Variants in LDB2 observed in about 807,000 individuals in gnomAD.
LDB2 encodes LIM domain binding 2, also known as LIM domain-binding protein 2.
LDB2 carries 12 observed loss-of-function variants against 44.3 expected under a neutral mutation model. That is an observed-to-expected ratio of 0.27 (90% confidence interval 0.17 to 0.44). LDB2 has a LOEUF of 0.44. LDB2 is among the 20% of genes least tolerant of loss of function. LDB2 has a pLI of 1.00. For synonymous variants in LDB2, 164 were observed against 174.8 expected, an observed-to-expected ratio of 0.94 and a Z score of 0.49; for missense variants, 344 against 473.5, an observed-to-expected ratio of 0.73 and a Z score of 2.54.
intron 5 of LDB2, among the ~76,000 whole-genome samples, chr4:16,536,090 C>A (rs1035928438): frequency 1.3e-5 from 2 of 152,182 alleles, no homozygotes; most frequent in African/African-American, 4.8e-5. Context: ...AGGCCACAAA[C>A]GGTAAGGGGA....
chr4:16,535,420 A>G (rs1012732771), intron 5 of LDB2, among the ~76,000 whole-genome samples: 4 of 152,144 alleles, frequency 2.6e-5, no homozygotes, highest in Non-Finnish European at 5.9e-5. Context: ...ATAGTCATTC[A>G]TTTATTCATC....
At chr4:16,660,831 T>C (rs1741371549) in intron 2 of LDB2, among the ~76,000 whole-genome samples, 5 of 152,270 alleles carry the variant, frequency 3.3e-5, no homozygotes, top group South Asian at 4.1e-4. Flanking sequence ...GTACATATAT[T>C]GGTCAGTGTT....
At chr4:16,787,178 A>C (rs1774622748) in intron 1 of LDB2, among the ~76,000 whole-genome samples, 1 of 152,184 alleles carries the variant, frequency 6.6e-6, no homozygotes, top group Non-Finnish European at 1.5e-5. Flanking sequence ...TTTTCCACTC[A>C]ATAAACACGT....
At chr4:16,753,567 T>C (rs1228918512) in intron 2 of LDB2, among the ~76,000 whole-genome samples, 1 of 152,222 alleles carries the variant, frequency 6.6e-6, no homozygotes, top group East Asian at 1.9e-4. Context: ...CTAATGAGCC[T>C]TGGTGACTGA....
At chr4:16,516,000 A>G (rs1482665979) in intron 5 of LDB2, among the ~76,000 whole-genome samples, 2 of 152,086 alleles carry the variant, frequency 1.3e-5, no homozygotes, top group South Asian at 2.1e-4. Context: ...AGTAGCTGAG[A>G]CTACAGGCGC....
intron 5 of LDB2, among the ~76,000 whole-genome samples, chr4:16,516,013 G>A (rs1227966276): frequency 3.9e-5 from 6 of 151,908 alleles, no homozygotes; most frequent in Non-Finnish European, 8.8e-5. Flanking sequence ...ACAGGCGCCC[G>A]CCACCACGCC....
intron 5 of LDB2, among the ~76,000 whole-genome samples, chr4:16,523,417 C>T (rs1183963361): frequency 6.6e-6 from 1 of 152,186 alleles, no homozygotes; most frequent in Middle Eastern, 3.2e-3. Flanking sequence ...AGAACTTTTA[C>T]CTTTCACTTA....
intron 1 of LDB2, among the ~76,000 whole-genome samples, chr4:16,808,436 C>A (rs927556276): frequency 3.9e-5 from 6 of 152,170 alleles, no homozygotes; most frequent in Admixed American, 1.3e-4. Flanking sequence ...GGCTGGGGAG[C>A]CTGAAAGTTT....
At chr4:16,612,453 A>G (rs1376427857) in intron 2 of LDB2, among the ~76,000 whole-genome samples, 2 of 152,136 alleles carry the variant, frequency 1.3e-5, no homozygotes, top group Non-Finnish European at 2.9e-5. Context: ...AATTAACAAA[A>G]CAGATTGACC....
chr4:16,634,305 A>G (rs1158636314), intron 2 of LDB2, among the ~76,000 whole-genome samples: 1 of 151,722 alleles, frequency 6.6e-6, no homozygotes, highest in Non-Finnish European at 1.5e-5. Flanking sequence ...CCAAAAAAAA[A>G]AAAAAAAAAA....
At chr4:16,869,492 T>C (rs1287669185) in intron 1 of LDB2, among the ~76,000 whole-genome samples, 1 of 152,280 alleles carries the variant, frequency 6.6e-6, no homozygotes, top group East Asian at 1.9e-4. Flanking sequence ...TGGAACAGTA[T>C]TAATTCATCT....
chr4:16,806,618 C>T (rs1032102544), intron 1 of LDB2, among the ~76,000 whole-genome samples: 2 of 64,940 alleles, frequency 3.1e-5, no homozygotes, highest in African/African-American at 9.3e-5. Flanking sequence ...TGCAGGAGTT[C>T]ATTCAGGACT....
chr4:16,623,124 A>G (rs992265734), intron 2 of LDB2, among the ~76,000 whole-genome samples: 3 of 152,228 alleles, frequency 2.0e-5, no homozygotes, highest in African/African-American at 7.2e-5. Flanking sequence ...GCAGGCATTC[A>G]ATAAATATTC....
chr4:16,856,833 A>G (rs1219919964), intron 1 of LDB2, among the ~76,000 whole-genome samples: 1 of 152,232 alleles, frequency 6.6e-6, no homozygotes, highest in Non-Finnish European at 1.5e-5. Flanking sequence ...TGGTTAAGTC[A>G]CTTGTCCAAA....
intron 1 of LDB2, among the ~76,000 whole-genome samples, chr4:16,887,220 G>GAAAA (rs77393745): frequency 1.6e-5 from 2 of 128,644 alleles, no homozygotes; most frequent in Non-Finnish European, 3.4e-5. Context: ...GCTAAGACTT[G>GAAAA]AAAAAAAAAA....
chr4:16,754,901 A>C (rs1766208241), intron 2 of LDB2, among the ~76,000 whole-genome samples: 1 of 152,312 alleles, frequency 6.6e-6, no homozygotes, highest in African/African-American at 2.4e-5. Flanking sequence ...CAAAGCATGG[A>C]TTAAAGCCCA....
At chr4:16,632,258 G>T (rs995619275) in intron 2 of LDB2, among the ~76,000 whole-genome samples, 1 of 152,150 alleles carries the variant, frequency 6.6e-6, no homozygotes, top group Non-Finnish European at 1.5e-5. Flanking sequence ...CTTCATTCCT[G>T]GGATGCAAGG....
chr4:16,709,951 A>G (rs1303849994), intron 2 of LDB2, among the ~76,000 whole-genome samples: 1 of 152,208 alleles, frequency 6.6e-6, no homozygotes, highest in Non-Finnish European at 1.5e-5. Flanking sequence ...CTATACAAGC[A>G]TATTAAGGAA....
chr4:16,875,448 C>T (rs1432015021), intron 1 of LDB2, among the ~76,000 whole-genome samples: 1 of 151,932 alleles, frequency 6.6e-6, no homozygotes, highest in Admixed American at 6.6e-5. Flanking sequence ...TACTAAAGAA[C>T]ATTAAAGCTC....
Sources: gnomAD v4.1 joint callset for allele counts (sites outside exome capture counted in the v4.1 genomes callset) on GRCh38, gnomAD v4.1.1 for gene constraint, MANE v1.5 for transcripts, NCBI Gene and HGNC (gene_info 2026-07-23, HGNC 2026-07-21) for gene names.